The following TNIK variants were observed in gnomAD, a reference collection of about 807,000 sequenced individuals.
TNIK encodes the protein TRAF2 and NCK interacting kinase, also known as TRAF2 and NCK-interacting protein kinase.
A neutral mutation model predicts 191.3 loss-of-function variants in TNIK; 49 were observed. The ratio of observed to expected loss-of-function variants is 0.26; its 90% confidence interval spans 0.20 to 0.32. The LOEUF is 0.32. TNIK is among the 10% of genes least tolerant of loss of function. The probability of loss-of-function intolerance (pLI) is 1.00; values close to 1 mark genes in which losing one functional copy is unlikely to be tolerated. For synonymous variants in TNIK, 594 were observed against 600.9 expected, an observed-to-expected ratio of 0.99 and a Z score of 0.17; for missense variants, 1,155 against 1,702.3, an observed-to-expected ratio of 0.68 and a Z score of 5.66.
At position 171,427,332 on chromosome 3, in the gene TNIK, C is replaced by T. The variant is rs550250822; in HGVS notation, c.57+32675G>A. The stretch of plus-strand genomic sequence containing the variant: ...CCTTTCCATCTCAGCTCTTATGTTT[C>T]TTCTCTTCCTTTCTTCCTATTTGAG... On this transcript the variant is annotated intron_variant, in intron 1 of 32. Coordinates refer to ENST00000436636, the MANE Select transcript of TNIK (RefSeq NM_015028.4). Among the ~76,000 whole-genome samples the T allele has an allele frequency of 1.8e-4, 28 of 152,284 alleles. No homozygotes were observed. The South Asian group carries it at 5.8e-3, about 32-fold the overall frequency.
intron 7 of TNIK, among the ~76,000 whole-genome samples, chr3:171,181,235 A>G (rs1262269404): frequency 6.6e-6 from 1 of 152,232 alleles, no homozygotes; most frequent in Non-Finnish European, 1.5e-5. Context: ...AGCTTTCTCA[A>G]TTGCACAATG....
Position 171,093,843 on chromosome 3 carries a change from C to A in TNIK, c.2717G>T (p.Arg906Ile), listed in dbSNP as rs769095862. The A allele has an allele frequency of 8.1e-6, 13 of 1,613,458 alleles. No homozygotes were observed. Among genetic ancestry groups the A allele is most frequent in the East Asian group, 2.2e-5 (1 of 44,858 alleles). ...ACAGTTTTTATACCAACTTACCTCT[C>A]TAATCATCAAGGTTCCTTCTCTTGA... ...SISREGTLMI[R>I]ETSGEKKRSG... The change falls in exon 23 of 33, where the codon AGA becomes ATA. Residue 906 changes from arginine to isoleucine, a missense_variant. Arg to Ile is a moderately conservative substitution (Grantham distance 97, BLOSUM62 -3). This residue lies in a region of TNIK where 735 missense variants were observed against 848.0 expected (regional missense o/e 0.87). Transcript: ENST00000436636.
At chr3:171,293,547 A>C (rs1751925700) in intron 2 of TNIK, among the ~76,000 whole-genome samples, 1 of 152,208 alleles carries the variant, frequency 6.6e-6, no homozygotes, top group Non-Finnish European at 1.5e-5. Flanking sequence ...TTGTGGTAAT[A>C]TGTCTTTGAC....
intron 2 of TNIK, among the ~76,000 whole-genome samples, chr3:171,333,613 A>G: frequency 6.7e-6 from 1 of 148,862 alleles, no homozygotes; most frequent in African/African-American, 2.5e-5. Flanking sequence ...AACCTACAAC[A>G]CTGGATCCCC....
At chr3:171,079,846 G>A (rs575949455) in intron 27 of TNIK, among the ~76,000 whole-genome samples, 194 bp from the exon 28 acceptor site, 49 of 152,222 alleles carry the variant, frequency 3.2e-4, no homozygotes, top group East Asian at 5.8e-4. Context: ...ATAGCTCTAC[G>A]TGTTTTAGAC....
intron 14 of TNIK, 62 bp downstream of exon 14, chr3:171,139,408 A>ACACACACACG: frequency 6.8e-7 from 1 of 1,471,784 alleles, no homozygotes; most frequent in Non-Finnish European, 9.5e-7. Flanking sequence ...ACACACACAC[A>ACACACACACG]CACACAAACA....
At chr3:171,262,627 A>T (rs1208450787) in intron 2 of TNIK, among the ~76,000 whole-genome samples, 1 of 152,208 alleles carries the variant, frequency 6.6e-6, no homozygotes, top group Non-Finnish European at 1.5e-5. Context: ...TGGTTAAAGC[A>T]CTGTGGAAAG....
chr3:171,353,901 T>C (rs564791134), intron 2 of TNIK, among the ~76,000 whole-genome samples: 2 of 152,328 alleles, frequency 1.3e-5, no homozygotes, highest in South Asian at 4.1e-4. Context: ...AGTTAATATC[T>C]ATGATTTCTT....
At chr3:171,360,866 G>C (rs1714869748) in intron 2 of TNIK, among the ~76,000 whole-genome samples, 1 of 152,202 alleles carries the variant, frequency 6.6e-6, no homozygotes, top group Non-Finnish European at 1.5e-5. Context: ...GTGGTGCATG[G>C]AATACAACAT....
chr3:171,189,784 T>G (rs1428291255), intron 6 of TNIK, among the ~76,000 whole-genome samples: 1 of 152,204 alleles, frequency 6.6e-6, no homozygotes, highest in Non-Finnish European at 1.5e-5. Flanking sequence ...GTAAGAATGC[T>G]CTCAGGATAG....
At chr3:171,273,819 T>C (rs1324330673) in intron 2 of TNIK, among the ~76,000 whole-genome samples, 1 of 152,198 alleles carries the variant, frequency 6.6e-6, no homozygotes, top group Non-Finnish European at 1.5e-5. Flanking sequence ...TAATGAACCT[T>C]GCAAACTATT....
intron 1 of TNIK, among the ~76,000 whole-genome samples, chr3:171,397,817 T>C (rs1365013827): frequency 1.3e-5 from 2 of 152,234 alleles, no homozygotes; most frequent in Non-Finnish European, 2.9e-5. Flanking sequence ...AAACTATTTC[T>C]ATAATACAAC....
In TNIK at chr3:171,296,172, G is replaced by C. The variant is rs147994204; in HGVS notation, c.124-67951C>G. The stretch of plus-strand genomic sequence containing the variant: ...CTCATGGACTTCCAGCCTTCTCTCA[G>C]CCACGACCTGTGCTTGACCCCCACT... On this transcript the variant is annotated intron_variant, in intron 2 of 32. Coordinates refer to ENST00000436636, the MANE Select transcript of TNIK (RefSeq NM_015028.4). Among the ~76,000 whole-genome samples, 860 of 152,204 alleles carry C rather than the reference G, an allele frequency of 5.7e-3. 10 individuals carry two copies. Among genetic ancestry groups the C allele is most frequent in the African/African-American group, 0.02 (825 of 41,516 alleles).
At chr3:171,123,860 C>A (rs1376325419) in intron 17 of TNIK, among the ~76,000 whole-genome samples, 158 bp from the exon 18 acceptor site, 1 of 152,110 alleles carries the variant, frequency 6.6e-6, no homozygotes, top group African/African-American at 2.4e-5. Flanking sequence ...ATATTAAACT[C>A]CCTAAACAAA....
At chr3:171,381,935 T>C (rs1171570545) in intron 1 of TNIK, among the ~76,000 whole-genome samples, 1 of 152,210 alleles carries the variant, frequency 6.6e-6, no homozygotes, top group Non-Finnish European at 1.5e-5. Context: ...AATAAAATGA[T>C]CCTATGGTTC....
At chr3:171,067,451 A>G (rs1718590567) in intron 30 of TNIK, among the ~76,000 whole-genome samples, 4 of 152,024 alleles carry the variant, frequency 2.6e-5, no homozygotes, top group Admixed American at 2.6e-4. Flanking sequence ...CGGGCGGATC[A>G]CGACGTCAGG....
chr3:171,095,720 CAG>C (rs1722623413), intron 22 of TNIK, among the ~76,000 whole-genome samples: 1 of 152,036 alleles, frequency 6.6e-6, no homozygotes, highest in Non-Finnish European at 1.5e-5. Context: ...GAAAAAATGA[CAG>C]GGGGAGTCCA....
At chr3:171,089,719 A>G (rs576944581) in intron 23 of TNIK, among the ~76,000 whole-genome samples, 4 of 152,348 alleles carry the variant, frequency 2.6e-5, no homozygotes, top group South Asian at 2.1e-4. Flanking sequence ...CAGATGTACA[A>G]CAGCCTTAAG....
At chr3:171,263,524 A>C (rs4894463) in intron 2 of TNIK, among the ~76,000 whole-genome samples, 84,465 of 151,902 alleles carry the variant, frequency 0.56, 24,178 homozygotes, top group African/African-American at 0.68. Context: ...ATCTCCATTT[A>C]TTCATTTATC....
Sources: gnomAD v4.1 joint callset for allele counts (sites outside exome capture counted in the v4.1 genomes callset) on GRCh38, gnomAD v4.1.1 for gene constraint, gnomAD v4.1.1 regional missense constraint, MANE v1.5 for transcripts, NCBI Gene and HGNC (gene_info 2026-07-23, HGNC 2026-07-21) for gene names.